Variants in DMXL1 observed in about 807,000 individuals in gnomAD.
DMXL1 encodes the protein dmX-like protein 1.
DMXL1 carries 99 observed loss-of-function variants against 319.2 expected under a neutral mutation model. That is an observed-to-expected ratio of 0.31 (90% confidence interval 0.26 to 0.37). The LOEUF (loss-of-function observed/expected upper bound fraction) is 0.37. Among genes scored for constraint, DMXL1 ranks in the 10% least tolerant of loss-of-function variants. The probability of loss-of-function intolerance (pLI) is 1.00; values close to 1 mark genes in which losing one functional copy is unlikely to be tolerated. For missense variants in DMXL1, 3,745 were observed against 3,595.6 expected, an observed-to-expected ratio of 1.04 and a Z score of -1.06; for synonymous variants, 1,385 against 1,235.2, an observed-to-expected ratio of 1.12 and a Z score of -2.54.
chr5:119,102,145 G>C (rs571064362), intron 3 of DMXL1, 139 bp downstream of exon 3: 26 of 467,678 alleles, frequency 5.6e-5, no homozygotes, highest in Non-Finnish European at 9.1e-5. Flanking sequence ...CCATTTTGAT[G>C]TTAAAAATAT....
Position 119,190,202 on chromosome 5 carries a change from G to A in DMXL1, c.7314+316G>A, listed in dbSNP as rs563205480. Among the ~76,000 whole-genome samples, 3 of 152,252 alleles carry A rather than the reference G, an allele frequency of 2.0e-5. No individual in the cohort carries two copies. In the East Asian group the frequency reaches 5.8e-4, roughly 29 times the overall value. On this transcript the variant is annotated intron_variant, in intron 29 of 43. Coordinates refer to ENST00000539542, the MANE Select transcript of DMXL1 (RefSeq NM_001290321.3). ...GTTAATGTACTTGATGGTGATTAAG[G>A]AATCAAAGTGCTCTGGTCATCTATT... is the stretch of plus-strand genomic sequence containing the variant.
At chr5:119,214,974 A>T (rs1416684220) in intron 34 of DMXL1, among the ~76,000 whole-genome samples, 1 of 152,200 alleles carries the variant, frequency 6.6e-6, no homozygotes, top group Admixed American at 6.5e-5. Flanking sequence ...CCTAAGAATG[A>T]ACATTTAGTA....
chr5:119,204,636 A>G (rs1389726290), intron 33 of DMXL1, among the ~76,000 whole-genome samples: 1 of 148,850 alleles, frequency 6.7e-6, no homozygotes, highest in East Asian at 2.0e-4. Flanking sequence ...TGTTTCTTTC[A>G]TTGGGTAAGT....
At chr5:119,233,750 C>T (rs771255992) in intron 39 of DMXL1, among the ~76,000 whole-genome samples, 1 of 152,132 alleles carries the variant, frequency 6.6e-6, no homozygotes, top group Admixed American at 6.6e-5. Context: ...CTCCTACTCT[C>T]TTTATCCCTC....
At chr5:119,167,020 AT>A (rs1773566563) in intron 22 of DMXL1, among the ~76,000 whole-genome samples, 1 of 152,150 alleles carries the variant, frequency 6.6e-6, no homozygotes, top group African/African-American at 2.4e-5. Context: ...TAGGTAATTG[AT>A]TTGACTCTTG....
Position 119,071,548 on chromosome 5 carries a change from G to T in DMXL1, c.-22G>T, listed in dbSNP as rs1197793319. The T allele has an allele frequency of 6.3e-7, 1 of 1,592,232 alleles. No individual in the cohort carries two copies. The highest frequency in any genetic ancestry group is 8.6e-7 in the Non-Finnish European group (1 of 1,169,220). ...GTGGCATGAGCTGGATGCGGTGTCC[G>T]TTGCAGGACTAGGGCGCCGACATGA... On this transcript the variant is annotated 5_prime_UTR_variant, in exon 1 of 44. Transcript: ENST00000539542.
At chr5:119,086,575 G>A (rs1753417025) in intron 1 of DMXL1, among the ~76,000 whole-genome samples, 1 of 152,178 alleles carries the variant, frequency 6.6e-6, no homozygotes, top group South Asian at 2.1e-4. Flanking sequence ...GAGTTTGGAA[G>A]TCTTCCTTTC....
At chr5:119,097,104 A>C (rs1000653775) in intron 1 of DMXL1, among the ~76,000 whole-genome samples, 1 of 152,232 alleles carries the variant, frequency 6.6e-6, no homozygotes, top group Non-Finnish European at 1.5e-5. Flanking sequence ...GATAAAAGGC[A>C]GATAAACACC....
intron 1 of DMXL1, among the ~76,000 whole-genome samples, chr5:119,088,564 C>CA (rs1458201767): frequency 6.6e-6 from 1 of 152,170 alleles, no homozygotes; most frequent in African/African-American, 2.4e-5. Context: ...CTAGTCCTCT[C>CA]TTCCTTTCTT....
intron 2 of DMXL1, among the ~76,000 whole-genome samples, chr5:119,100,231 C>G (rs948699511): frequency 6.6e-6 from 1 of 151,634 alleles, no homozygotes; most frequent in African/African-American, 2.4e-5. Flanking sequence ...GAGTTCAAGA[C>G]CATTCTGGCC....
At chr5:119,148,398 A>G (rs542197291) in intron 17 of DMXL1, among the ~76,000 whole-genome samples, 7 of 152,312 alleles carry the variant, frequency 4.6e-5, no homozygotes, top group East Asian at 1.9e-4. Context: ...AATTCTGCCT[A>G]TGCCTAAGTT....
rs1330046774 is a variant in DMXL1 at position 119,171,938 on chromosome 5, C to T, written c.6650C>T (p.Ser2217Leu). The T allele has an allele frequency of 6.2e-7, 1 of 1,613,350 alleles. No individual in the cohort carries two copies. The highest frequency in any genetic ancestry group is 1.1e-5 in the South Asian group (1 of 90,952). Residue 2217 changes from serine (S) to leucine (L), a missense_variant, in exon 25 of 44, where the codon TCA (serine) becomes TTA (leucine). Transcript: ENST00000539542. ...DILHAIINFD[S>L]PPHPDIQSNK... is the part of the protein sequence containing the mutation. ...CTCCATGCCATAATAAACTTTGATT[C>T]ACCACCCCACCCTGATATCCAAAGC...
intron 28 of DMXL1, among the ~76,000 whole-genome samples, chr5:119,186,816 G>A (rs1777802388): frequency 1.3e-5 from 2 of 151,590 alleles, no homozygotes; most frequent in African/African-American, 4.8e-5. Context: ...GTGAGGAAAG[G>A]ATTGTTAAGG....
chr5:119,152,095 G>T, intron 19 of DMXL1, 59 bp downstream of exon 19: 1 of 1,202,990 alleles, frequency 8.3e-7, no homozygotes, highest in South Asian at 1.5e-5. Flanking sequence ...GAGAGACTTG[G>T]GAGTTTTTAA....
At position 119,165,044 on chromosome 5, in the gene DMXL1, T is replaced by A. The variant is rs1361004962; in HGVS notation, c.4873-139T>A. Reference sequence around the variant, plus strand: ...GTCACTTTTGTTATTATTTTATATATACATGCACATATTATTCATATACAT... The same window carrying A: ...GTCACTTTTGTTATTATTTTATATAAACATGCACATATTATTCATATACAT... On this transcript the variant is annotated intron_variant, in intron 20 of 43. Transcript: ENST00000539542. 1.2e-5 allele frequency: 7 copies of A among 597,378 alleles called. No individual in the cohort carries two copies. The Admixed American group carries it at 2.3e-4, about 20-fold the overall frequency. The allele number at this position is 597,378 out of a possible 1,614,324, so 37.0% of individuals were successfully genotyped here.
intron 2 of DMXL1, among the ~76,000 whole-genome samples, chr5:119,100,157 G>C (rs1236419620): frequency 6.6e-6 from 1 of 152,064 alleles, no homozygotes; most frequent in African/African-American, 2.4e-5. Context: ...GGGGACTTCT[G>C]ACTGTTTACA....
intron 29 of DMXL1, among the ~76,000 whole-genome samples, chr5:119,191,146 CATTG>C (rs1365350096): frequency 3.3e-5 from 5 of 152,110 alleles, no homozygotes; most frequent in Non-Finnish European, 7.4e-5. Flanking sequence ...TAACTTTTCC[CATTG>C]ATTATTATTG....
At position 119,105,193 on chromosome 5, in the gene DMXL1, A is replaced by G. The variant is rs201666233; in HGVS notation, c.299A>G (p.Gln100Arg). 2 of 1,610,914 alleles carry G rather than the reference A, an allele frequency of 1.2e-6. No individual in the cohort carries two copies. Among genetic ancestry groups the G allele is most frequent in the Non-Finnish European group, 1.7e-6 (2 of 1,177,280 alleles). ...KQKKNLELYS[Q>R]WQKSGQFFLE... is the part of the protein sequence containing the mutation. ...TCTTAATTTTAGGAATTATATAGTC[A>G]GTGGCAGAAAAGTGGCCAATTTTTT... The change falls in exon 4 of 44, where the codon CAG becomes CGG. Residue 100 changes from glutamine to arginine, a missense_variant. By Grantham distance (43) the Gln-to-Arg change is conservative. Coordinates refer to ENST00000539542, the MANE Select transcript of DMXL1 (RefSeq NM_001290321.3).
At chr5:119,074,773 G>T (rs1309745594) in intron 1 of DMXL1, among the ~76,000 whole-genome samples, 1 of 152,148 alleles carries the variant, frequency 6.6e-6, no homozygotes, top group African/African-American at 2.4e-5. Context: ...CTTGTGGATT[G>T]TATGTGTATG....
Sources: gnomAD v4.1 joint callset for allele counts (sites outside exome capture counted in the v4.1 genomes callset) on GRCh38, gnomAD v4.1.1 for gene constraint, MANE v1.5 for transcripts, NCBI Gene and HGNC (gene_info 2026-07-23, HGNC 2026-07-21) for gene names.